Variants in SERAC1 observed in about 807,000 individuals in gnomAD.
SERAC1 encodes the protein protein SERAC1.
Under a neutral mutation model 85.7 loss-of-function variants are expected in SERAC1, and 36 were observed. That is an observed-to-expected ratio of 0.42 (90% confidence interval 0.32 to 0.55). The LOEUF (loss-of-function observed/expected upper bound fraction) is 0.55, where lower values mean the gene tolerates loss of function less well. Among genes scored for constraint, SERAC1 ranks in the 20% least tolerant of loss-of-function variants. The pLI is 0.11. For missense variants in SERAC1, 629 were observed against 796.2 expected, an observed-to-expected ratio of 0.79 and a Z score of 2.53; for synonymous variants, 242 against 265.3, an observed-to-expected ratio of 0.91 and a Z score of 0.85.
chr6:158,143,256 C>CA, intron 7 of SERAC1, 72 bp from the exon 8 acceptor site: 1 of 1,561,106 alleles, frequency 6.4e-7, no homozygotes, highest in Non-Finnish European at 8.6e-7. Flanking sequence ...TCCAAAGACT[C>CA]AAAGCCAATA....
intron 3 of SERAC1, among the ~76,000 whole-genome samples, chr6:158,151,561 A>G (rs1455663960): frequency 6.6e-6 from 1 of 152,032 alleles, no homozygotes; most frequent in African/African-American, 2.4e-5. Context: ...AGCTGGGACT[A>G]CAGGCGCCTG....
chr6:158,129,764 T>G (rs2128415674), intron 9 of SERAC1, among the ~76,000 whole-genome samples: 1 of 151,304 alleles, frequency 6.6e-6, no homozygotes, highest in Middle Eastern at 3.4e-3. Flanking sequence ...TGGCACAATC[T>G]CAGTTCACTG....
At chr6:158,148,140 T>G (rs528767071) in intron 5 of SERAC1, among the ~76,000 whole-genome samples, 1 of 152,218 alleles carries the variant, frequency 6.6e-6, no homozygotes, top group African/African-American at 2.4e-5. Flanking sequence ...CTTTCAATTA[T>G]AGAAAGTCTT....
rs372001660 is a variant in SERAC1, at chr6:158,117,840, A to C, written c.1309-19T>G. The C allele has an allele frequency of 1.2e-5, 19 of 1,588,374 alleles. No homozygotes were observed. The highest frequency in any genetic ancestry group is 1.6e-5 in the Non-Finnish European group (19 of 1,158,092). ...ACCATGTCTAAGTAAAATAAAACAT[A>C]TGTGAGAACAAGTATGAATCTTCAC... is the stretch of plus-strand genomic sequence containing the variant. On this transcript the variant is annotated intron_variant, in intron 12 of 16. Transcript: ENST00000647468. The surrounding 1 kb of genome is among the most constrained non-coding windows in gnomAD (Gnocchi z 4.3).
chr6:158,123,734 G>A (rs1299324594), intron 10 of SERAC1, among the ~76,000 whole-genome samples: 1 of 152,186 alleles, frequency 6.6e-6, no homozygotes, highest in Non-Finnish European at 1.5e-5. Flanking sequence ...GGATCAAAGG[G>A]AAAGGGAGTT....
intron 8 of SERAC1, among the ~76,000 whole-genome samples, chr6:158,137,502 A>G (rs1784820876): frequency 6.6e-6 from 1 of 152,190 alleles, no homozygotes; most frequent in South Asian, 2.1e-4. Context: ...AAATGTTTCA[A>G]GTGTCAGTTT....
At chr6:158,152,439 C>T (rs970800939) in intron 3 of SERAC1, among the ~76,000 whole-genome samples, 4 of 151,930 alleles carry the variant, frequency 2.6e-5, no homozygotes, top group African/African-American at 7.3e-5. Flanking sequence ...TTGCTTGAAC[C>T]GAGGAGGCAG....
chr6:158,151,726 C>G (rs916851813), intron 3 of SERAC1, among the ~76,000 whole-genome samples: 1 of 151,660 alleles, frequency 6.6e-6, no homozygotes, highest in Non-Finnish European at 1.5e-5. Flanking sequence ...CGCCCGGCCT[C>G]GAAAATATTT....
chr6:158,116,089 T>TTAAG, intron 14 of SERAC1, 96 bp downstream of exon 14: 1 of 981,496 alleles, frequency 1.0e-6, no homozygotes, highest in Non-Finnish European at 1.6e-6. Flanking sequence ...GGAGCCGCTA[T>TTAAG]TAAGTAAAAT....
At chr6:158,128,007 TAAA>T (rs929022314) in intron 10 of SERAC1, 98 bp downstream of exon 10, 84 of 1,890 alleles carry the variant, frequency 0.044, 4 homozygotes, top group Non-Finnish European at 0.042. Context: ...AAAATAAATT[TAAA>T]AAAAAAAAAA....
intron 3 of SERAC1, among the ~76,000 whole-genome samples, chr6:158,154,151 C>A (rs2128423521): frequency 8.8e-6 from 1 of 114,106 alleles, no homozygotes. Flanking sequence ...CAGAGGAAAA[C>A]TCTGTCTCAA....
At chr6:158,121,912 T>C (rs1451615435) in intron 10 of SERAC1, among the ~76,000 whole-genome samples, 2 of 152,222 alleles carry the variant, frequency 1.3e-5, no homozygotes, top group Non-Finnish European at 2.9e-5. Context: ...AAATGCCCTT[T>C]GGAAAACTTA....
Position 158,117,891 on chromosome 6 carries a change from A to G in SERAC1, c.1309-70T>C, listed in dbSNP as rs1784330224. ...CACTGCAATTACTGCCTAGTAAATC[A>G]AATTTATAACTAAAGGCCTCTTGCA... On this transcript the variant is annotated intron_variant, in intron 12 of 16. Coordinates refer to ENST00000647468, the MANE Select transcript of SERAC1 (RefSeq NM_032861.4). This position sits in a 1 kb window ranked among gnomAD's most constrained non-coding sequence, Gnocchi z 4.3. 1 of 1,238,762 alleles carries G rather than the reference A, an allele frequency of 8.1e-7. No individual in the cohort carries two copies. 76.7% of individuals were successfully genotyped at this position (1,238,762 alleles called of 1,614,324 possible).
intron 16 of SERAC1, chr6:158,111,707 T>C (rs913325263): frequency 2.6e-5 from 11 of 425,218 alleles, no homozygotes; most frequent in African/African-American, 2.0e-4. Context: ...AGTAGAACCA[T>C]AGTTTTATGC....
At chr6:158,152,736 A>G (rs1255709973) in intron 3 of SERAC1, 1 of 152,124 alleles carries the variant, frequency 6.6e-6, no homozygotes, top group Admixed American at 6.5e-5. Flanking sequence ...AATACTTCCC[A>G]TTGTGTTATA....
At chr6:158,143,378 C>T (rs1784977982) in intron 7 of SERAC1, among the ~76,000 whole-genome samples, 194 bp from the exon 8 acceptor site, 2 of 115,374 alleles carry the variant, frequency 1.7e-5, no homozygotes, top group Non-Finnish European at 1.8e-5. Flanking sequence ...TATATATACA[C>T]ACACACATAT....
intron 8 of SERAC1, among the ~76,000 whole-genome samples, chr6:158,142,388 C>T (rs1784938843): frequency 6.6e-6 from 1 of 152,024 alleles, no homozygotes; most frequent in African/African-American, 2.4e-5. Context: ...TGGTCTCAAA[C>T]TCCTGGCCTC....
At chr6:158,133,501 T>C (rs537718598) in intron 8 of SERAC1, among the ~76,000 whole-genome samples, 2 of 148,890 alleles carry the variant, frequency 1.3e-5, no homozygotes, top group African/African-American at 5.0e-5. Context: ...TTCTCCTGCC[T>C]CAGCCTCCTG....
In SERAC1 at chr6:158,119,983, C is replaced by G. The variant is rs1357444096; in HGVS notation, c.1166+442G>C. 1.3e-5 allele frequency among the ~76,000 whole-genome samples: 2 copies of G among 152,162 alleles called. No homozygotes were observed. The highest frequency in any genetic ancestry group is 2.9e-5 in the Non-Finnish European group (2 of 68,028). ...TTCTTTCTAATGCATCCTTTTATAA[C>G]TAGCATAAACTTTCTCCAGTCCCTT... On this transcript the variant is annotated intron_variant, in intron 11 of 16. Transcript: ENST00000647468. This position sits in a 1 kb window ranked among gnomAD's most constrained non-coding sequence, Gnocchi z 4.5.
Sources: gnomAD v4.1 joint callset for allele counts (sites outside exome capture counted in the v4.1 genomes callset) on GRCh38, gnomAD v4.1.1 for gene constraint, Gnocchi (gnomAD v3.1) non-coding constraint, MANE v1.5 for transcripts, NCBI Gene and HGNC (gene_info 2026-07-23, HGNC 2026-07-21) for gene names.